Variants in CPEB1 observed in about 807,000 individuals in gnomAD.
CPEB1 encodes the protein cytoplasmic polyadenylation element binding protein 1, also known as cytoplasmic polyadenylation element-binding protein 1.
CPEB1 carries 7 observed loss-of-function variants against 65.8 expected under a neutral mutation model. The observed-to-expected ratio is 0.11, with a 90% CI of 0.06 to 0.20. The LOEUF is 0.20. Ranked by LOEUF, CPEB1 falls within the 10% of genes least tolerant of loss-of-function variation. The pLI, the probability that CPEB1 is intolerant of heterozygous loss-of-function variation, is 1.00. For synonymous variants in CPEB1, 262 were observed against 260.0 expected (o/e 1.01, Z -0.08); for missense variants, 551 against 712.2 (o/e 0.77, Z 2.58).
intron 6 of CPEB1, 38 bp from the exon 7 acceptor site, chr15:82,554,029 G>C: frequency 7.6e-7 from 1 of 1,308,876 alleles, no homozygotes; most frequent in Non-Finnish European, 1.1e-6. Flanking sequence ...GGGGAGGTTA[G>C]AGAATCAACA....
intron 3 of CPEB1, among the ~76,000 whole-genome samples, chr15:82,624,169 G>C (rs146019465): frequency 2.6e-5 from 4 of 152,248 alleles, no homozygotes; most frequent in East Asian, 3.9e-4. Context: ...TGTAGGCCAG[G>C]CATCCTTGTT....
intron 3 of CPEB1, among the ~76,000 whole-genome samples, chr15:82,589,571 C>G (rs775314586): frequency 6.6e-5 from 10 of 152,092 alleles, no homozygotes; most frequent in Non-Finnish European, 1.3e-4. Flanking sequence ...TGGTGAAACC[C>G]TGTCTCTACC....
intron 3 of CPEB1, among the ~76,000 whole-genome samples, chr15:82,586,243 C>CA (rs11313085): frequency 0.035 from 3,906 of 111,074 alleles, 149 homozygotes; most frequent in African/African-American, 0.11. Flanking sequence ...TTTTCAGATA[C>CA]AAAAAAAAAA....
intron 10 of CPEB1, among the ~76,000 whole-genome samples, chr15:82,548,045 A>G (rs1212846480): frequency 1.3e-5 from 2 of 152,178 alleles, no homozygotes; most frequent in Non-Finnish European, 2.9e-5. Context: ...TTTTAATAAT[A>G]TATTTTATTG....
intron 3 of CPEB1, among the ~76,000 whole-genome samples, chr15:82,614,690 A>G (rs570808804): frequency 2.0e-5 from 3 of 152,290 alleles, no homozygotes; most frequent in South Asian, 4.1e-4. Flanking sequence ...ACCAGGCCCA[A>G]TACTGAGGAT....
intron 3 of CPEB1, among the ~76,000 whole-genome samples, chr15:82,604,485 C>CA (rs1232646711): frequency 0.02 from 1,634 of 80,282 alleles, 23 homozygotes; most frequent in Admixed American, 0.076. Context: ...GACTCCATCT[C>CA]AAAAAAAAAA....
Position 82,571,337 on chromosome 15 carries a change from C to T in CPEB1, c.460+7G>A, listed in dbSNP as rs2039996975. ...TTACCCCAGCCAACTCATTCTCTGGCACTCACCCGAGTGTGTGCTGCTCTG... is the reference window on the plus strand; with the variant it reads ...TTACCCCAGCCAACTCATTCTCTGGTACTCACCCGAGTGTGTGCTGCTCTG... On this transcript the variant is annotated splice_region_variant and intron_variant, in intron 4 of 12. Transcript: ENST00000684509. 1 of 1,607,204 alleles carries T rather than the reference C, an allele frequency of 6.2e-7. No homozygotes were observed. Among genetic ancestry groups the T allele is most frequent in the Non-Finnish European group, 8.5e-7 (1 of 1,176,672 alleles).
intron 3 of CPEB1, among the ~76,000 whole-genome samples, chr15:82,620,078 C>T (rs1237080601): frequency 1.3e-5 from 2 of 152,194 alleles, no homozygotes; most frequent in African/African-American, 4.8e-5. Context: ...CAATGACCCA[C>T]AACCAGTTGC....
chr15:82,612,653 G>C (rs561128900), intron 3 of CPEB1, among the ~76,000 whole-genome samples: 1 of 152,022 alleles, frequency 6.6e-6, no homozygotes, highest in African/African-American at 2.4e-5. Flanking sequence ...TGGCCAAGAT[G>C]GTGAAACCCC....
At chr15:82,590,727 T>C (rs376231207) in intron 3 of CPEB1, among the ~76,000 whole-genome samples, 4 of 152,200 alleles carry the variant, frequency 2.6e-5, no homozygotes, top group Admixed American at 2.6e-4. Context: ...TGTGTCCATA[T>C]GTCCTTATCA....
Position 82,549,678 on chromosome 15 carries a change from G to GT in CPEB1, c.1282-21dup. On this transcript the variant is annotated intron_variant, in intron 9 of 12. Coordinates refer to ENST00000684509, the MANE Select transcript of CPEB1 (RefSeq NM_001365242.1). The stretch of plus-strand genomic sequence containing the variant: ...CTGCACCTGAAAACCACCCAAAGGT[G>GT]TATCAGCCCTGGCAGAGAGCCACAG... 6.2e-7 allele frequency: 1 copy of GT among 1,611,954 alleles called. No individual in the cohort carries two copies. Among genetic ancestry groups the GT allele is most frequent in the Non-Finnish European group, 8.5e-7 (1 of 1,178,126 alleles).
At chr15:82,627,653 T>C (rs1174135929) in intron 2 of CPEB1, among the ~76,000 whole-genome samples, 3 of 152,186 alleles carry the variant, frequency 2.0e-5, no homozygotes, top group Non-Finnish European at 4.4e-5. Context: ...CTACTAGTTT[T>C]CTACAAATAT....
intron 10 of CPEB1, among the ~76,000 whole-genome samples, chr15:82,547,999 A>G (rs1164675015): frequency 6.6e-6 from 1 of 152,182 alleles, no homozygotes. Context: ...ATTTTCTAGT[A>G]GTCACACTGA....
chr15:82,640,282 T>C (rs1240214511), intron 1 of CPEB1, among the ~76,000 whole-genome samples: 1 of 152,182 alleles, frequency 6.6e-6, no homozygotes, highest in Non-Finnish European at 1.5e-5. Flanking sequence ...CACAACTAGC[T>C]TGCTTTTTCT....
At chr15:82,576,110 A>T (rs1041184011) in intron 3 of CPEB1, among the ~76,000 whole-genome samples, 1 of 152,256 alleles carries the variant, frequency 6.6e-6, no homozygotes, top group Non-Finnish European at 1.5e-5. Context: ...AATGTAGTAC[A>T]TGCATATACC....
chr15:82,561,854 C>T (rs114614479), intron 4 of CPEB1, among the ~76,000 whole-genome samples: 2,176 of 152,326 alleles, frequency 0.014, 56 homozygotes, highest in African/African-American at 0.05. Flanking sequence ...TGAAAACCCA[C>T]GCTGGTCACT....
intron 3 of CPEB1, among the ~76,000 whole-genome samples, chr15:82,610,500 A>C (rs998184447): frequency 6.6e-6 from 1 of 152,130 alleles, no homozygotes; most frequent in Non-Finnish European, 1.5e-5. Context: ...TATCCTAAGA[A>C]GACAAGGTTG....
chr15:82,643,689 G>C (rs762450444), intron 1 of CPEB1, among the ~76,000 whole-genome samples: 2 of 151,678 alleles, frequency 1.3e-5, no homozygotes, highest in Non-Finnish European at 2.9e-5. Flanking sequence ...CTTTACATCC[G>C]TAAGTGTGGC....
chr15:82,552,397 C>A, intron 9 of CPEB1, 83 bp downstream of exon 9: 1 of 1,387,562 alleles, frequency 7.2e-7, no homozygotes, highest in Non-Finnish European at 9.6e-7. Context: ...TGCCTGCAGC[C>A]TGCCTATCCA....
Sources: allele counts gnomAD v4.1 joint callset (sites outside exome capture counted in the v4.1 genomes callset), GRCh38; gene constraint gnomAD v4.1.1; transcripts MANE v1.5; gene names NCBI Gene and HGNC (gene_info 2026-07-23, HGNC 2026-07-21).